The following SIPA1L3 variants were observed in gnomAD, a reference collection of about 807,000 sequenced individuals.
SIPA1L3 encodes signal induced proliferation associated 1 like 3.
Under a neutral mutation model 150.1 loss-of-function variants are expected in SIPA1L3, and 59 were observed. The observed-to-expected ratio is 0.39, with a 90% CI of 0.32 to 0.49. SIPA1L3 has a LOEUF of 0.49. Among genes scored for constraint, SIPA1L3 ranks in the 20% least tolerant of loss-of-function variants. The pLI, the probability that SIPA1L3 is intolerant of heterozygous loss-of-function variation, is 0.86. For missense variants in SIPA1L3, 2,211 were observed against 2,489.5 expected (o/e 0.89, Z 2.38); for synonymous variants, 1,070 against 1,077.6 (o/e 0.99, Z 0.14).
At chr19:38,170,157 T>C (rs332857) in intron 15 of SIPA1L3, among the ~76,000 whole-genome samples, 99,608 of 151,966 alleles carry the variant, frequency 0.66, 33,917 homozygotes, top group African/African-American at 0.84. Flanking sequence ...AGAAAGAGTC[T>C]GAGCTAGCCA....
intron 2 of SIPA1L3, among the ~76,000 whole-genome samples, chr19:38,036,973 G>A (rs112762707): frequency 5.9e-5 from 9 of 152,178 alleles, no homozygotes; most frequent in Admixed American, 3.3e-4. Context: ...ACTGTCACAC[G>A]GTCCTGCCTA....
intron 15 of SIPA1L3, among the ~76,000 whole-genome samples, chr19:38,173,017 G>T (rs2146002363): frequency 6.6e-6 from 1 of 152,244 alleles, no homozygotes; most frequent in Admixed American, 6.5e-5. Context: ...TTGGAGGATT[G>T]CTTGACCCCG....
intron 1 of SIPA1L3, among the ~76,000 whole-genome samples, chr19:37,913,293 G>A (rs768339018): frequency 1.3e-5 from 2 of 152,022 alleles, no homozygotes; most frequent in Admixed American, 1.3e-4. Context: ...TGTGAGCCAG[G>A]GTCCTATCCT....
intron 1 of SIPA1L3, among the ~76,000 whole-genome samples, chr19:37,924,319 G>C (rs935267787): frequency 3.3e-5 from 5 of 151,852 alleles, no homozygotes; most frequent in African/African-American, 1.2e-4. Flanking sequence ...GAAGGTCTTC[G>C]GGGGCAGTAA....
intron 1 of SIPA1L3, among the ~76,000 whole-genome samples, chr19:37,954,068 T>C (rs992703328): frequency 1.3e-5 from 2 of 152,174 alleles, no homozygotes; most frequent in Non-Finnish European, 2.9e-5. Context: ...TGAAATATTT[T>C]ATGATGTGGT....
chr19:38,097,884 C>G (rs1010807879), intron 4 of SIPA1L3, among the ~76,000 whole-genome samples: 2 of 152,126 alleles, frequency 1.3e-5, no homozygotes, highest in African/African-American at 4.8e-5. Flanking sequence ...TTGGATATAC[C>G]TCACCATACA....
intron 1 of SIPA1L3, among the ~76,000 whole-genome samples, chr19:37,931,110 G>C (rs924781188): frequency 2.6e-5 from 4 of 152,114 alleles, no homozygotes; most frequent in Non-Finnish European, 4.4e-5. Context: ...CTGATTACTC[G>C]GTATTTTGAA....
intron 2 of SIPA1L3, among the ~76,000 whole-genome samples, chr19:38,037,646 A>T (rs1968821116): frequency 6.6e-6 from 1 of 152,168 alleles, no homozygotes; most frequent in Non-Finnish European, 1.5e-5. Context: ...GACGACAAAT[A>T]TCCCTGTTCT....
At chr19:38,026,338 G>T (rs1321061477) in intron 1 of SIPA1L3, among the ~76,000 whole-genome samples, 1 of 152,158 alleles carries the variant, frequency 6.6e-6, no homozygotes, top group Non-Finnish European at 1.5e-5. Context: ...ATATCATGGG[G>T]CTGGTGTTTA....
intron 18 of SIPA1L3, among the ~76,000 whole-genome samples, chr19:38,197,788 G>A (rs1001749336): frequency 3.3e-5 from 5 of 151,984 alleles, no homozygotes; most frequent in South Asian, 4.2e-4. Context: ...GTCCTATCAC[G>A]GCCCCACCCT....
At position 38,082,088 on chromosome 19, in the gene SIPA1L3, A is replaced by T; in HGVS notation, c.523A>T (p.Thr175Ser). The part of the protein sequence containing the change: ...PLRHRSSSEI[T>S]LSECDAEDAG... ...TCGGCACCGCAGCAGCAGCGAGATC[A>T]CCCTCAGCGAGTGTGACGCGGAGGA... Residue 175 changes from threonine (T) to serine (S), a missense_variant, in exon 3 of 22, where the codon ACC (threonine) becomes TCC (serine). By Grantham distance (58) the Thr-to-Ser change is moderately conservative. Transcript: ENST00000222345. 6.2e-7 allele frequency: 1 copy of T among 1,610,974 alleles called. No individual in the cohort carries two copies. The highest frequency in any genetic ancestry group is 8.5e-7 in the Non-Finnish European group (1 of 1,179,682).
At chr19:37,915,848 A>T (rs2046410616) in intron 1 of SIPA1L3, among the ~76,000 whole-genome samples, 1 of 152,072 alleles carries the variant, frequency 6.6e-6, no homozygotes, top group East Asian at 1.9e-4. Context: ...TTTTGAATGA[A>T]GGGTAGCCCT....
chr19:38,202,107 G>C, intron 20 of SIPA1L3, 110 bp downstream of exon 20: 1 of 1,141,760 alleles, frequency 8.8e-7, no homozygotes, highest in Non-Finnish European at 1.2e-6. Flanking sequence ...CACTCTCCGG[G>C]CGGAAGCTGA....
At chr19:38,053,027 C>T (rs987875442) in intron 2 of SIPA1L3, among the ~76,000 whole-genome samples, 1 of 152,270 alleles carries the variant, frequency 6.6e-6, no homozygotes, top group African/African-American at 2.4e-5. Context: ...AATGTTGTGC[C>T]ACTGAGCAGC....
intron 2 of SIPA1L3, among the ~76,000 whole-genome samples, chr19:38,078,894 G>T (rs1034389116): frequency 1.3e-5 from 2 of 152,150 alleles, no homozygotes; most frequent in Admixed American, 1.3e-4. Flanking sequence ...GAAGTTCAAG[G>T]TGGAGACAAA....
intron 1 of SIPA1L3, among the ~76,000 whole-genome samples, chr19:37,939,417 A>AG (rs2046632161): frequency 6.6e-6 from 1 of 151,854 alleles, no homozygotes; most frequent in Non-Finnish European, 1.5e-5. Context: ...AAAAAAAAAA[A>AG]AAAGGATTAG....
chr19:38,192,637 A>G (rs1972829176), intron 17 of SIPA1L3, among the ~76,000 whole-genome samples: 1 of 152,126 alleles, frequency 6.6e-6, no homozygotes, highest in African/African-American at 2.4e-5. Flanking sequence ...CCCAAACCAC[A>G]GGGACTGAGA....
chr19:38,101,628 C>T (rs560364444), intron 6 of SIPA1L3, among the ~76,000 whole-genome samples: 18 of 152,286 alleles, frequency 1.2e-4, no homozygotes, highest in Non-Finnish European at 2.4e-4. Context: ...CCAGACTGGT[C>T]TCGAACTCCT....
intron 1 of SIPA1L3, among the ~76,000 whole-genome samples, chr19:37,977,725 A>G (rs2145607805): frequency 1.3e-5 from 2 of 152,204 alleles, no homozygotes; most frequent in South Asian, 4.2e-4. Context: ...CAGTAACTGG[A>G]CTCAACAAAT....
Sources: gnomAD v4.1 joint callset for allele counts (sites outside exome capture counted in the v4.1 genomes callset) on GRCh38, gnomAD v4.1.1 for gene constraint, MANE v1.5 for transcripts, NCBI Gene and HGNC (gene_info 2026-07-23, HGNC 2026-07-21) for gene names.